Variants in CNNM1 observed in about 807,000 individuals in gnomAD.
CNNM1 encodes metal transporter CNNM1.
Under a neutral mutation model 78.8 loss-of-function variants are expected in CNNM1, and 44 were observed. That is an observed-to-expected ratio of 0.56 (90% CI 0.44 to 0.72). CNNM1 has a LOEUF of 0.72. Ranked by LOEUF, CNNM1 falls within the 30% of genes least tolerant of loss-of-function variation. The pLI, the probability that CNNM1 is intolerant of heterozygous loss-of-function variation, is 0.00. For synonymous variants in CNNM1, 584 were observed against 581.5 expected (o/e 1.00, Z -0.06); for missense variants, 1,101 against 1,292.2 (o/e 0.85, Z 2.27).
chr10:99,368,011 T>C (rs1047944006), intron 6 of CNNM1, among the ~76,000 whole-genome samples: 1 of 152,214 alleles, frequency 6.6e-6, no homozygotes, highest in African/African-American at 2.4e-5. Flanking sequence ...TGGCTTTGAT[T>C]TAATTCATCA....
chr10:99,340,652 GCTA>G (rs2030402123), intron 1 of CNNM1, among the ~76,000 whole-genome samples: 1 of 151,772 alleles, frequency 6.6e-6, no homozygotes, highest in Non-Finnish European at 1.5e-5. Flanking sequence ...CTTTTTATTT[GCTA>G]CTGTTATATT....
At chr10:99,333,500 A>G (rs931524687) in intron 1 of CNNM1, among the ~76,000 whole-genome samples, 1 of 152,078 alleles carries the variant, frequency 6.6e-6, no homozygotes, top group Non-Finnish European at 1.5e-5. Flanking sequence ...GTGCACCAAC[A>G]CGCCTGGCTA....
At chr10:99,332,849 G>A (rs185961143) in intron 1 of CNNM1, among the ~76,000 whole-genome samples, 25 of 152,132 alleles carry the variant, frequency 1.6e-4, no homozygotes, top group East Asian at 7.7e-4. Context: ...AGTCCATCTC[G>A]CCTTAATCCT....
chr10:99,367,796 G>A (rs1466868261), intron 6 of CNNM1, among the ~76,000 whole-genome samples: 1 of 152,106 alleles, frequency 6.6e-6, no homozygotes, highest in Non-Finnish European at 1.5e-5. Flanking sequence ...AAGGACTCTG[G>A]GAATGATCAG....
At chr10:99,335,005 C>T (rs563514230) in intron 1 of CNNM1, among the ~76,000 whole-genome samples, 2 of 152,274 alleles carry the variant, frequency 1.3e-5, no homozygotes, top group South Asian at 2.1e-4. Context: ...CTGTAGGACC[C>T]GAAAGCCTGT....
rs566516702 is a variant in CNNM1, at chr10:99,390,269, G to C, written c.2675-37G>C. ...CCTCTCTTGATGCCTGAGTGTGTAG[G>C]TTGAGACAACTTGAGTTCTCTCCTT... On this transcript the variant is annotated intron_variant, in intron 9 of 10. Coordinates refer to ENST00000356713, the MANE Select transcript of CNNM1 (RefSeq NM_020348.3). 6.1e-6 allele frequency: 9 copies of C among 1,475,432 alleles called. No individual in the cohort carries two copies. The African/African-American group carries it at 6.9e-5, about 11-fold the overall frequency. The allele number at this position is 1,475,432 out of a possible 1,614,324, so 91.4% of individuals were successfully genotyped here.
chr10:99,375,603 C>T (rs183955661), intron 6 of CNNM1, among the ~76,000 whole-genome samples: 57 of 152,344 alleles, frequency 3.7e-4, no homozygotes, highest in Middle Eastern at 3.4e-3. Flanking sequence ...CTTTCTGCTA[C>T]ATGGTTTGCC....
intron 7 of CNNM1, among the ~76,000 whole-genome samples, chr10:99,384,905 A>G (rs1330327857): frequency 6.6e-6 from 1 of 152,118 alleles, no homozygotes; most frequent in East Asian, 1.9e-4. Context: ...CGTATCTATT[A>G]AAAATACAAA....
At chr10:99,362,921 C>A (rs976024436) in intron 4 of CNNM1, among the ~76,000 whole-genome samples, 1 of 152,168 alleles carries the variant, frequency 6.6e-6, no homozygotes, top group Non-Finnish European at 1.5e-5. Flanking sequence ...AATCTTCTCC[C>A]CCTTCAGAGG....
Position 99,334,469 on chromosome 10 carries a change from A to G in CNNM1, c.1573+3509A>G, listed in dbSNP as rs530004935. 4.4e-4 allele frequency among the ~76,000 whole-genome samples: 67 copies of G among 152,254 alleles called. No individual in the cohort carries two copies. The Middle Eastern group carries it at 0.01, about 23-fold the overall frequency. ...GGAGTTCGTGACCAGCTTGGCCAAC[A>G]TGGTGAAACCCCATCTCTACTAAAA... On this transcript the variant is annotated intron_variant, in intron 1 of 10. Coordinates refer to ENST00000356713, the MANE Select transcript of CNNM1 (RefSeq NM_020348.3).
At chr10:99,345,432 T>C (rs777482162) in intron 1 of CNNM1, among the ~76,000 whole-genome samples, 1 of 152,196 alleles carries the variant, frequency 6.6e-6, no homozygotes, top group Admixed American at 6.5e-5. Flanking sequence ...CATATCTCTC[T>C]TCTCCCAGGG....
At chr10:99,390,438 G>A in intron 10 of CNNM1, 31 bp downstream of exon 10, 1 of 1,489,516 alleles carries the variant, frequency 6.7e-7, no homozygotes, top group Non-Finnish European at 9.3e-7. Context: ...CCAAATGAGA[G>A]CCACCCTGCT....
rs150898196 is a variant in CNNM1, at chr10:99,346,482, A to G, written c.1574-11030A>G. ...TTTGTCCCATGAATGTTGCATTTCT[A>G]TGACCTCTAAATGTTACAGTGCCTC... On this transcript the variant is annotated intron_variant, in intron 1 of 10. Coordinates refer to ENST00000356713, the MANE Select transcript of CNNM1 (RefSeq NM_020348.3). 2.6e-5 allele frequency among the ~76,000 whole-genome samples: 4 copies of G among 152,302 alleles called. No individual in the cohort carries two copies. The East Asian group carries it at 7.7e-4, about 29-fold the overall frequency.
At chr10:99,373,840 G>A (rs1447331138) in intron 6 of CNNM1, among the ~76,000 whole-genome samples, 2 of 152,090 alleles carry the variant, frequency 1.3e-5, no homozygotes, top group Non-Finnish European at 2.9e-5. Flanking sequence ...TAAGATAATG[G>A]CCTCTATTTC....
chr10:99,350,338 C>T (rs1178115209), intron 1 of CNNM1, among the ~76,000 whole-genome samples: 1 of 152,238 alleles, frequency 6.6e-6, no homozygotes, highest in African/African-American at 2.4e-5. Flanking sequence ...GCTTAGTTCT[C>T]TATTTCCAAG....
At position 99,388,308 on chromosome 10, in the gene CNNM1, G is replaced by C. The variant is rs1462326982; in HGVS notation, c.2674+7G>C. 4 of 1,612,312 alleles carry C rather than the reference G, an allele frequency of 2.5e-6. No homozygotes were observed. In the African/African-American group the frequency reaches 5.3e-5, roughly 22 times the overall value. ...GCCGTTCCCACGAGAGCAGGTCAGG[G>C]AGGCCAGCTGGGCCCAGTGCAGCAA... On this transcript the variant is annotated splice_region_variant and intron_variant, in intron 9 of 10. Transcript: ENST00000356713.
intron 6 of CNNM1, among the ~76,000 whole-genome samples, chr10:99,369,714 G>A (rs1589911571): frequency 6.6e-6 from 1 of 151,824 alleles, no homozygotes. Context: ...TCTCTCTCTC[G>A]ATGGTGATTT....
intron 1 of CNNM1, among the ~76,000 whole-genome samples, chr10:99,353,875 C>T (rs986305170): frequency 2.0e-5 from 3 of 152,106 alleles, no homozygotes; most frequent in Admixed American, 6.6e-5. Context: ...AATCTCTATT[C>T]CTTGGTGATA....
At chr10:99,374,600 G>C (rs563441307) in intron 6 of CNNM1, among the ~76,000 whole-genome samples, 1 of 152,304 alleles carries the variant, frequency 6.6e-6, no homozygotes, top group Admixed American at 6.5e-5. Flanking sequence ...GCTTTAGTTT[G>C]ATGATTTAAG....
Sources: allele counts gnomAD v4.1 joint callset (sites outside exome capture counted in the v4.1 genomes callset), GRCh38; gene constraint gnomAD v4.1.1; transcripts MANE v1.5; gene names NCBI Gene and HGNC (gene_info 2026-07-23, HGNC 2026-07-21).